Variants in MYO16 observed in about 807,000 individuals in gnomAD.
The protein encoded by MYO16 is unconventional myosin-XVI.
A neutral mutation model predicts 205.3 loss-of-function variants in MYO16; 94 were observed. The ratio of observed to expected loss-of-function variants is 0.46; its 90% CI spans 0.39 to 0.54. The LOEUF is 0.54. MYO16 is among the 20% of genes least tolerant of loss of function. The pLI, the probability that MYO16 is intolerant of heterozygous loss-of-function variation, is 0.00. For synonymous variants in MYO16, 988 were observed against 954.0 expected (o/e 1.04, Z -0.66); for missense variants, 2,315 against 2,387.5 (o/e 0.97, Z 0.63).
At chr13:108,911,958 G>T (rs553146545) in intron 16 of MYO16, among the ~76,000 whole-genome samples, 13 of 152,240 alleles carry the variant, frequency 8.5e-5, no homozygotes, top group Non-Finnish European at 1.5e-4. Flanking sequence ...TTTACCTCGT[G>T]ACAAGGCTAG....
rs1239449982 is a variant in MYO16, at chr13:109,141,303, C to T, written c.5091C>T (p.Leu1697=). The change falls in exon 32 of 35, where the codon CTC becomes CTT. Residue 1697 remains leucine (L), a synonymous_variant. Transcript: ENST00000457511. The surrounding 1 kb of genome is among the most constrained non-coding windows in gnomAD (Gnocchi z 4.1). ...SRPLSSPLDE[L]ASLFNSGRSV... ...CTCTCAGCAGCCCCCTGGACGAGCTCGCCAGCCTCTTCAACTCGGGGAGGA... is the reference window on the plus strand; with the variant it reads ...CTCTCAGCAGCCCCCTGGACGAGCTTGCCAGCCTCTTCAACTCGGGGAGGA... 6.3e-7 allele frequency: 1 copy of T among 1,590,992 alleles called. No homozygotes were observed.
In MYO16 at chr13:109,101,199, C is replaced by A. The variant is rs1388492018; in HGVS notation, c.3438+312C>A. The A allele has an allele frequency of 3.8e-5, 9 of 239,404 alleles. No individual in the cohort carries two copies. In the South Asian group the frequency reaches 6.3e-4, roughly 17 times the overall value. The allele number at this position is 239,404 out of a possible 1,614,324, so 14.8% of individuals were successfully genotyped here. A position where few individuals can be genotyped will look rare whatever the true frequency, so the allele number is the denominator to read the frequency against. On this transcript the variant is annotated intron_variant, in intron 28 of 34. Transcript: ENST00000457511. The stretch of plus-strand genomic sequence containing the variant: ...AGTAAAGCATTTTGTCATATTTACC[C>A]ATAGCAGGAGTCAGAGGAGCCAAAA...
intron 28 of MYO16, among the ~76,000 whole-genome samples, chr13:109,103,103 C>T (rs555286822): frequency 6.6e-6 from 1 of 152,240 alleles, no homozygotes; most frequent in South Asian, 2.1e-4. Context: ...CATATTCATA[C>T]TTCACTTTTA....
the MYO16 span, among the ~76,000 whole-genome samples, chr13:108,578,528 C>T: frequency 6.6e-6 from 1 of 152,164 alleles, no homozygotes; most frequent in African/African-American, 2.4e-5. Context: ...GATTCCATAT[C>T]CCTTTTTGTT....
chr13:108,575,017 TCA>T, the MYO16 span, among the ~76,000 whole-genome samples: 2 of 152,146 alleles, frequency 1.3e-5, no homozygotes, highest in Non-Finnish European at 2.9e-5. Flanking sequence ...TAAGGTGTAC[TCA>T]CACACTCCAG....
chr13:109,015,623 T>C (rs961577024), intron 22 of MYO16, among the ~76,000 whole-genome samples: 1 of 152,202 alleles, frequency 6.6e-6, no homozygotes, highest in Non-Finnish European at 1.5e-5. Flanking sequence ...CTATTAATTG[T>C]TGCCTCAATT....
intron 4 of MYO16, among the ~76,000 whole-genome samples, chr13:108,754,560 A>G (rs1885360044): frequency 6.6e-6 from 1 of 152,190 alleles, no homozygotes; most frequent in Non-Finnish European, 1.5e-5. Flanking sequence ...TCTTAAAGTA[A>G]AAGAAATAGA....
intron 11 of MYO16, among the ~76,000 whole-genome samples, chr13:108,862,418 C>T (rs1878490166): frequency 6.6e-6 from 1 of 152,080 alleles, no homozygotes; most frequent in Admixed American, 6.5e-5. Flanking sequence ...AAACCCAAGG[C>T]TACCATATTA....
intron 15 of MYO16, among the ~76,000 whole-genome samples, chr13:108,905,845 A>C (rs1281628896): frequency 2.6e-5 from 4 of 152,186 alleles, no homozygotes; most frequent in Admixed American, 2.6e-4. Flanking sequence ...CCATGCTTTT[A>C]ACTGCACCCA....
At chr13:108,997,698 C>T (rs567720140) in intron 21 of MYO16, among the ~76,000 whole-genome samples, 10 of 152,016 alleles carry the variant, frequency 6.6e-5, no homozygotes, top group Non-Finnish European at 1.3e-4. Context: ...AATTAGCCAG[C>T]GTGGTGGTGG....
upstream of MYO16, among the ~76,000 whole-genome samples, chr13:108,628,142 A>G (rs532536442): frequency 1.3e-3 from 204 of 152,312 alleles, no homozygotes; most frequent in Admixed American, 2.8e-3. Context: ...TTAAAAATAC[A>G]TTATAGATTC....
rs1216646406 is a variant in MYO16, at chr13:109,113,892, G to A, written c.3439-6478G>A. Among the ~76,000 whole-genome samples the A allele has an allele frequency of 2.6e-5, 4 of 152,158 alleles. No homozygotes were observed. In the East Asian group the frequency reaches 5.8e-4, roughly 22 times the overall value. On this transcript the variant is annotated intron_variant, in intron 28 of 34. Coordinates refer to ENST00000457511, the MANE Select transcript of MYO16 (RefSeq NM_001198950.3). ...ATGGAAACATATGAGTGAGGCTAGGGTGCCTATGAAACATCGACATAAATG... is the reference window on the plus strand; with the variant it reads ...ATGGAAACATATGAGTGAGGCTAGGATGCCTATGAAACATCGACATAAATG...
intron 4 of MYO16, among the ~76,000 whole-genome samples, chr13:108,759,637 C>A (rs916840185): frequency 6.6e-6 from 1 of 151,822 alleles, no homozygotes; most frequent in South Asian, 2.1e-4. Context: ...CTGGCTAACA[C>A]GGTGAAACCC....
intron 28 of MYO16, among the ~76,000 whole-genome samples, chr13:109,109,163 A>G (rs1351623493): frequency 6.6e-6 from 1 of 152,050 alleles, no homozygotes; most frequent in Non-Finnish European, 1.5e-5. Flanking sequence ...GAGAGATCCA[A>G]CTCCATATCT....
At chr13:108,709,206 C>T (rs1309727211) in intron 2 of MYO16, among the ~76,000 whole-genome samples, 2 of 152,130 alleles carry the variant, frequency 1.3e-5, no homozygotes, top group African/African-American at 4.8e-5. Flanking sequence ...GTGGTGCTGC[C>T]GTTTCACTTG....
intron 5 of MYO16, among the ~76,000 whole-genome samples, chr13:108,790,794 G>A (rs2146325): frequency 0.84 from 127,489 of 152,116 alleles, 54,512 homozygotes; most frequent in East Asian, 1. Flanking sequence ...CCCCTGTGAT[G>A]TCTTCACAAC....
the MYO16 span, among the ~76,000 whole-genome samples, chr13:108,529,782 A>G: frequency 2.6e-5 from 4 of 152,192 alleles, no homozygotes; most frequent in Non-Finnish European, 5.9e-5. Context: ...ATCCTTGGGA[A>G]TACTGAACAC....
At position 108,829,362 on chromosome 13, in the gene MYO16, G is replaced by T. The variant is rs371642601; in HGVS notation, c.1097+6084G>T. Among the ~76,000 whole-genome samples the T allele has an allele frequency of 2.6e-5, 4 of 152,214 alleles. No individual in the cohort carries two copies. The East Asian group carries it at 7.7e-4, about 29-fold the overall frequency. On this transcript the variant is annotated intron_variant, in intron 9 of 34. Coordinates refer to ENST00000457511, the MANE Select transcript of MYO16 (RefSeq NM_001198950.3). ...ATGTTCTTCACTTATCTTTGAACTG[G>T]CAGCAAAAGCATCTAAAGAAGAATG...
At chr13:109,007,018 C>T (rs751877235) in intron 21 of MYO16, among the ~76,000 whole-genome samples, 1 of 152,018 alleles carries the variant, frequency 6.6e-6, no homozygotes, top group Non-Finnish European at 1.5e-5. Context: ...GAAGAGAAAC[C>T]GACTCAGTCA....
Sources: gnomAD v4.1 joint callset for allele counts (sites outside exome capture counted in the v4.1 genomes callset) on GRCh38, gnomAD v4.1.1 for gene constraint, Gnocchi (gnomAD v3.1) non-coding constraint, MANE v1.5 for transcripts, NCBI Gene and HGNC (gene_info 2026-07-23, HGNC 2026-07-21) for gene names.